The following AADAT variants were observed in gnomAD, a reference collection of about 807,000 sequenced individuals.
AADAT encodes the protein aminoadipate aminotransferase.
In AADAT, 25 loss-of-function variants were observed where a neutral mutation model predicts 56.2. That is an observed-to-expected ratio of 0.44 (90% CI 0.32 to 0.62). AADAT has a LOEUF of 0.62. Among genes scored for constraint, AADAT ranks in the 20% least tolerant of loss-of-function variants. The pLI is 0.04. For missense variants in AADAT, 387 were observed against 510.5 expected (o/e 0.76, Z 2.33); for synonymous variants, 173 against 164.7 (o/e 1.05, Z -0.39).
chr4:170,093,933 AT>A (rs1175426293), upstream of AADAT, among the ~76,000 whole-genome samples: 1 of 152,108 alleles, frequency 6.6e-6, no homozygotes, highest in East Asian at 1.9e-4. Context: ...TAATTAATTG[AT>A]TTTTTTACCC....
chr4:170,078,348 G>A (rs1197045440), intron 4 of AADAT, among the ~76,000 whole-genome samples, 161 bp downstream of exon 4: 11 of 151,954 alleles, frequency 7.2e-5, no homozygotes, highest in Non-Finnish European at 1.2e-4. Context: ...AGATTATCCT[G>A]CTTATGGATA....
At chr4:170,070,791 G>A (rs950895420) in intron 5 of AADAT, 139 bp from the exon 6 acceptor site, 3 of 591,752 alleles carry the variant, frequency 5.1e-6, no homozygotes, top group Non-Finnish European at 8.6e-6. Flanking sequence ...AGACAACGAG[G>A]ATAAAAAGAG....
At chr4:170,090,306 G>A (rs201786384), upstream of AADAT, 2 of 152,098 alleles carry the variant, frequency 1.3e-5, no homozygotes, top group East Asian at 1.9e-4. Flanking sequence ...GGGCTCCCGA[G>A]CTGCGCCCAG....
At chr4:170,071,867 C>T (rs902572841) in intron 5 of AADAT, among the ~76,000 whole-genome samples, 5 of 151,884 alleles carry the variant, frequency 3.3e-5, no homozygotes, top group Non-Finnish European at 5.9e-5. Context: ...AAGGAGGGAA[C>T]GACAGGAATA....
chr4:170,091,940 T>C (rs1395579787), upstream of AADAT, among the ~76,000 whole-genome samples: 1 of 152,116 alleles, frequency 6.6e-6, no homozygotes, highest in Non-Finnish European at 1.5e-5. Flanking sequence ...TAGCTCAGGG[T>C]TTGTAAATAC....
At chr4:170,069,574 CTA>C (rs1307801923) in intron 6 of AADAT, among the ~76,000 whole-genome samples, 2 of 152,110 alleles carry the variant, frequency 1.3e-5, no homozygotes, top group Non-Finnish European at 2.9e-5. Context: ...TCAAGAAACA[CTA>C]GTTTGAACAA....
At chr4:170,063,631 A>G (rs1731304000) in intron 11 of AADAT, among the ~76,000 whole-genome samples, 1 of 152,222 alleles carries the variant, frequency 6.6e-6, no homozygotes, top group South Asian at 2.1e-4. Flanking sequence ...AGCTTTCCCA[A>G]GGTGGTGGAG....
At chr4:170,084,961 C>G (rs190887192) in intron 3 of AADAT, among the ~76,000 whole-genome samples, 299 of 152,294 alleles carry the variant, frequency 2.0e-3, no homozygotes, top group African/African-American at 6.8e-3. Flanking sequence ...TCCCGTGAGA[C>G]AGCAAGACCA....
chr4:170,062,064 AT>A (rs1731219728), intron 11 of AADAT, 71 bp from the exon 12 acceptor site: 1 of 977,216 alleles, frequency 1.0e-6, no homozygotes, highest in African/African-American at 1.6e-5. Context: ...GTTAAGCCTA[AT>A]CTCAGAGTAG....
chr4:170,070,601 G>C lies in AADAT; in HGVS notation c.706C>G (p.Leu236Val). 1 of 1,582,732 alleles carries C rather than the reference G, an allele frequency of 6.3e-7. No individual in the cohort carries two copies. Among genetic ancestry groups the C allele is most frequent in the Non-Finnish European group, 8.6e-7 (1 of 1,158,164 alleles). The change falls in exon 6 of 13, where the codon CTC becomes GTC. Residue 236 changes from leucine to valine, a missense_variant. Transcript: ENST00000337664. ...TAATCACTTACCTTGTTAAACTGGA[G>C]AAAATAGTAAGGATCATCTTCTATT... ...LIIEDDPYYF[L>V]QFNKFRVPTF...
rs144150964 is a variant in AADAT at position 170,074,470 on chromosome 4, C to T, written c.445-1125G>A. ...AATTATTACTGGTTTATGAAGTAGG[C>T]GTTTTACAAATGAATGTTTTTTGAT... On this transcript the variant is annotated intron_variant, in intron 4 of 12. Transcript: ENST00000337664. 7.2e-5 allele frequency among the ~76,000 whole-genome samples: 11 copies of T among 152,100 alleles called. No homozygotes were observed. The East Asian group carries it at 1.5e-3, about 21-fold the overall frequency.
At chr4:170,064,957 A>T in intron 10 of AADAT, 132 bp from the exon 11 acceptor site, 1 of 629,138 alleles carries the variant, frequency 1.6e-6, no homozygotes. Flanking sequence ...CAATTATAGC[A>T]TTTTTAAAAA....
intron 2 of AADAT, among the ~76,000 whole-genome samples, chr4:170,087,545 G>A (rs2622066): frequency 0.98 from 149,807 of 152,310 alleles, 73,672 homozygotes; most frequent in East Asian, 1. Context: ...TAGCGCATGC[G>A]TTGCATAATC....
At chr4:170,079,984 G>A (rs1732213343) in intron 3 of AADAT, among the ~76,000 whole-genome samples, 2 of 152,144 alleles carry the variant, frequency 1.3e-5, no homozygotes, top group Admixed American at 6.5e-5. Context: ...ATAATGGCTG[G>A]GTAGAGGAGG....
intron 2 of AADAT, 74 bp downstream of exon 2, chr4:170,088,322 T>C (rs1732660333): frequency 2.1e-6 from 3 of 1,407,346 alleles, no homozygotes; most frequent in Admixed American, 4.3e-5. Flanking sequence ...TTCTTTAATA[T>C]TCTTTATCAA....
intron 4 of AADAT, among the ~76,000 whole-genome samples, chr4:170,077,191 C>G (rs757598077): frequency 1.3e-5 from 2 of 152,156 alleles, no homozygotes; most frequent in African/African-American, 4.8e-5. Context: ...TTTAAACTCA[C>G]ATCAATTTGA....
At chr4:170,085,866 C>A (rs1282780237) in intron 3 of AADAT, among the ~76,000 whole-genome samples, 1 of 151,926 alleles carries the variant, frequency 6.6e-6, no homozygotes, top group Non-Finnish European at 1.5e-5. Context: ...TTAAAGCAAA[C>A]CAGATTACAG....
upstream of AADAT, among the ~76,000 whole-genome samples, chr4:170,092,191 C>A (rs141951596): frequency 3.3e-5 from 5 of 152,220 alleles, no homozygotes; most frequent in East Asian, 1.9e-4. Flanking sequence ...ACTTTTGCAG[C>A]GTGTGGTGGT....
At position 170,060,269 on chromosome 4, in the gene AADAT, C is replaced by G. The variant is rs2111126393; in HGVS notation, c.*659G>C. Reference sequence around the variant, plus strand: ...TTTTAAAGGAATTTCTGTGGCATAACATAAGGTTTATGGTACTTTTACTAA... The same window carrying G: ...TTTTAAAGGAATTTCTGTGGCATAAGATAAGGTTTATGGTACTTTTACTAA... On this transcript the variant is annotated 3_prime_UTR_variant, in exon 13 of 13. Transcript: ENST00000337664. The G allele has an allele frequency of 6.6e-6, 1 of 152,190 alleles. No homozygotes were observed. The highest frequency in any genetic ancestry group is 1.9e-4 in the East Asian group (1 of 5,184). 9.4% of individuals were successfully genotyped at this position (152,190 alleles called of 1,614,324 possible).
Sources: allele counts gnomAD v4.1 joint callset (sites outside exome capture counted in the v4.1 genomes callset), GRCh38; gene constraint gnomAD v4.1.1; transcripts MANE v1.5; gene names NCBI Gene and HGNC (gene_info 2026-07-23, HGNC 2026-07-21).